Variants in ZEB1 observed in about 807,000 individuals in gnomAD.
ZEB1 encodes zinc finger E-box-binding homeobox 1.
ZEB1 carries 21 observed loss-of-function variants against 84.9 expected under a neutral mutation model. That is an observed-to-expected ratio of 0.25 (90% CI 0.18 to 0.36). The LOEUF is 0.36. ZEB1 is among the 10% of genes least tolerant of loss of function. ZEB1 has a pLI of 1.00. For missense variants in ZEB1, 1,104 were observed against 1,330.2 expected, an observed-to-expected ratio of 0.83 and a Z score of 2.65; for synonymous variants, 420 against 471.1, an observed-to-expected ratio of 0.89 and a Z score of 1.41.
At chr10:31,366,279 TAC>T in intron 1 of ZEB1, among the ~76,000 whole-genome samples, 1 of 152,222 alleles carries the variant, frequency 6.6e-6, no homozygotes. Context: ...TCATCTTTGA[TAC>T]CTAATTTGTC....
At chr10:31,491,292 G>T (rs1264298963) in intron 2 of ZEB1, among the ~76,000 whole-genome samples, 1 of 151,768 alleles carries the variant, frequency 6.6e-6, no homozygotes, top group East Asian at 1.9e-4. Context: ...AGTTTATATT[G>T]TACTCTTAGG....
At chr10:31,361,246 G>A (rs1299170586) in intron 1 of ZEB1, 3 of 1,599,712 alleles carry the variant, frequency 1.9e-6, no homozygotes, top group Non-Finnish European at 2.6e-6. Context: ...AGGCTGGAGT[G>A]CAGTGGTGCG....
At chr10:31,336,643 A>G (rs2038133275) in intron 1 of ZEB1, among the ~76,000 whole-genome samples, 1 of 152,206 alleles carries the variant, frequency 6.6e-6, no homozygotes, top group Non-Finnish European at 1.5e-5. Context: ...AGGGAAATAA[A>G]GATGAACAAT....
chr10:31,363,924 T>A (rs2134208510), intron 1 of ZEB1: 1 of 1,307,120 alleles, frequency 7.7e-7, no homozygotes, highest in Admixed American at 3.2e-5. Flanking sequence ...CAGGCACAGG[T>A]GCAGGAGCTG....
chr10:31,426,413 CGTA>C (rs930208228), intron 1 of ZEB1, among the ~76,000 whole-genome samples: 32 of 152,188 alleles, frequency 2.1e-4, no homozygotes, highest in African/African-American at 7.7e-4. Flanking sequence ...TTCATTGACT[CGTA>C]GTTCCTTTTG....
chr10:31,415,825 C>CA (rs902509412), intron 1 of ZEB1, among the ~76,000 whole-genome samples: 42 of 151,972 alleles, frequency 2.8e-4, no homozygotes, highest in African/African-American at 1.0e-3. Flanking sequence ...TGATTCTTGG[C>CA]AAAAATGGTT....
At position 31,350,754 on chromosome 10, in the gene ZEB1, T is replaced by G. The variant is rs74129928; in HGVS notation, c.58+31462T>G. Among the ~76,000 whole-genome samples the G allele has an allele frequency of 2.7e-3, 406 of 152,294 alleles. 4 individuals are homozygous for G. The highest frequency in any genetic ancestry group is 8.9e-3 in the African/African-American group (369 of 41,578). ...TTTTTTTTGGGTCTGTTTTAAAAAT[T>G]AACACTTTGGCTCTGATTATAAAAT... On this transcript the variant is annotated intron_variant, in intron 1 of 8. Transcript: ENST00000424869.
chr10:31,362,076 GGTGAGGAGGCCGGGCAGGGGCACTCCTTA>G (rs2043260543), intron 1 of ZEB1, among the ~76,000 whole-genome samples: 1 of 146,392 alleles, frequency 6.8e-6, no homozygotes. Context: ...TTTCCCACAC[GGTGAGGAGGCCGGGCAGGGGCACTCCTTA>G]CTTCGCAGAC....
At chr10:31,378,113 A>G (rs904693343) in intron 1 of ZEB1, among the ~76,000 whole-genome samples, 2 of 150,772 alleles carry the variant, frequency 1.3e-5, no homozygotes, top group African/African-American at 4.9e-5. Context: ...ATACATATAT[A>G]TTGGATGTAT....
intron 1 of ZEB1, among the ~76,000 whole-genome samples, chr10:31,440,530 C>T (rs1353458498): frequency 6.6e-6 from 1 of 152,100 alleles, no homozygotes; most frequent in African/African-American, 2.4e-5. Context: ...CACTCCTATT[C>T]AACATATTGT....
At chr10:31,466,203 G>A (rs1305488806) in intron 2 of ZEB1, among the ~76,000 whole-genome samples, 5 of 152,106 alleles carry the variant, frequency 3.3e-5, no homozygotes, top group Non-Finnish European at 7.4e-5. Flanking sequence ...TTCAATAATG[G>A]AGAAATCATC....
chr10:31,348,657 A>G (rs1276513930), intron 1 of ZEB1, among the ~76,000 whole-genome samples: 3 of 152,220 alleles, frequency 2.0e-5, no homozygotes, highest in Non-Finnish European at 4.4e-5. Context: ...AACCATTTCA[A>G]ATAGAAAATG....
In ZEB1 at chr10:31,521,147, A is replaced by G; in HGVS notation, c.1815A>G (p.Ala605=). Residue 605 remains alanine (A), a synonymous_variant, in exon 7 of 9, where the codon GCA becomes GCG. Transcript: ENST00000424869. ...SLLKAYYALN[A]QPSAEELSKI... is the part of the protein sequence containing the mutation. ...TAAAAGCATATTATGCTTTGAATGC[A>G]CAACCAAGTGCAGAAGAGCTCTCAA... 1.9e-6 allele frequency: 3 copies of G among 1,614,102 alleles called. No individual in the cohort carries two copies. Among genetic ancestry groups the G allele is most frequent in the Non-Finnish European group, 2.5e-6 (3 of 1,180,006 alleles).
chr10:31,412,214 A>G (rs1270309939), intron 1 of ZEB1, among the ~76,000 whole-genome samples: 3 of 152,200 alleles, frequency 2.0e-5, no homozygotes, highest in African/African-American at 7.2e-5. Flanking sequence ...TAATTTTTAA[A>G]TTATGATGTC....
intron 1 of ZEB1, among the ~76,000 whole-genome samples, chr10:31,326,621 A>G (rs761608417): frequency 1.6e-4 from 25 of 152,310 alleles, no homozygotes; most frequent in Admixed American, 5.9e-4. Context: ...AGCTTGGACT[A>G]GGTCACAGCT....
At chr10:31,524,367 T>G (rs1215517420) in intron 8 of ZEB1, among the ~76,000 whole-genome samples, 3 of 152,142 alleles carry the variant, frequency 2.0e-5, no homozygotes, top group African/African-American at 7.2e-5. Context: ...TATAGGCACA[T>G]ACCACCACAC....
chr10:31,428,257 A>T (rs2057243658), intron 1 of ZEB1, among the ~76,000 whole-genome samples: 1 of 152,088 alleles, frequency 6.6e-6, no homozygotes, highest in Non-Finnish European at 1.5e-5. Flanking sequence ...ATTCTGGTAC[A>T]TTGTCTCTTT....
intron 2 of ZEB1, among the ~76,000 whole-genome samples, chr10:31,469,805 A>G (rs1286508050): frequency 2.0e-5 from 3 of 152,186 alleles, no homozygotes; most frequent in South Asian, 2.1e-4. Context: ...GCAGACTTAA[A>G]TGTCCCTGTC....
intron 1 of ZEB1, among the ~76,000 whole-genome samples, chr10:31,446,306 T>C (rs2059765563): frequency 6.6e-6 from 1 of 151,600 alleles, no homozygotes; most frequent in Admixed American, 6.6e-5. Context: ...TTCTTCTCTC[T>C]TTTTTTATTA....
Sources: gnomAD v4.1 joint callset for allele counts (sites outside exome capture counted in the v4.1 genomes callset) on GRCh38, gnomAD v4.1.1 for gene constraint, MANE v1.5 for transcripts, NCBI Gene and HGNC (gene_info 2026-07-23, HGNC 2026-07-21) for gene names.